Variants in SGTA observed in about 807,000 individuals in gnomAD.
SGTA encodes the protein small glutamine-rich tetratricopeptide repeat-containing protein alpha.
SGTA carries 22 observed loss-of-function variants against 44.3 expected under a neutral mutation model. That is an observed-to-expected ratio of 0.50 (90% CI 0.36 to 0.71). The LOEUF (loss-of-function observed/expected upper bound fraction) is 0.71. Among genes scored for constraint, SGTA ranks in the 30% least tolerant of loss-of-function variants. The probability of loss-of-function intolerance (pLI) is 0.00; values close to 1 mark genes in which losing one functional copy is unlikely to be tolerated. For missense variants in SGTA, 341 were observed against 435.9 expected, an observed-to-expected ratio of 0.78 and a Z score of 1.94; for synonymous variants, 174 against 177.6, an observed-to-expected ratio of 0.98 and a Z score of 0.16.
Position 2,772,812 on chromosome 19 carries a change from GACGC to G in SGTA, c.-23-3725_-23-3722del, listed in dbSNP as rs1450282337. Among the ~76,000 whole-genome samples the G allele has an allele frequency of 1.1e-4, 16 of 143,790 alleles. 1 individual carries two copies. Among genetic ancestry groups the G allele is most frequent in the African/African-American group, 4.0e-4 (14 of 35,380 alleles). 94.3% of individuals were successfully genotyped at this position (143,790 alleles called of 152,430 possible). On this transcript the variant is annotated intron_variant, in intron 1 of 11. Transcript: ENST00000221566. ...AGGGACACCGAGGGCAGAGATGGGTGACGCGGCCACAGGGCAGGGACACCGAGGG... is the reference window on the plus strand; with the variant it reads ...AGGGACACCGAGGGCAGAGATGGGTGGGCCACAGGGCAGGGACACCGAGGG...
Position 2,762,521 on chromosome 19 carries a change from C to T in SGTA, c.621G>A (p.Arg207=). ...SNLKIAELKL[R]EAPSPTGGVG... is the part of the protein sequence containing the mutation. Reference sequence around the variant, plus strand: ...CTGCACTCACGGGGCTGGGGGCCTCCCGCAGCTTCAGCTCCGCTATCTTGA... The same window carrying T: ...CTGCACTCACGGGGCTGGGGGCCTCTCGCAGCTTCAGCTCCGCTATCTTGA... Residue 207 remains arginine (R), a synonymous_variant, in exon 7 of 12, where the codon CGG becomes CGA. Transcript: ENST00000221566. The T allele has an allele frequency of 1.9e-6, 3 of 1,613,988 alleles. No homozygotes were observed. The highest frequency in any genetic ancestry group is 2.5e-6 in the Non-Finnish European group (3 of 1,179,980).
chr19:2,757,312 C>T (rs754835470), intron 11 of SGTA, 25 bp downstream of exon 11: 38 of 1,596,728 alleles, frequency 2.4e-5, no homozygotes, highest in East Asian at 4.5e-5. Context: ...TGGCCACCCC[C>T]CAGCCCCCGG....
At chr19:2,771,581 G>T (rs1223822483) in intron 1 of SGTA, among the ~76,000 whole-genome samples, 1 of 151,720 alleles carries the variant, frequency 6.6e-6, no homozygotes, top group South Asian at 2.1e-4. Flanking sequence ...CCATCGGGGG[G>T]GGGGGGAGGG....
chr19:2,757,468 G>A lies in SGTA; in HGVS notation c.828-11C>T, dbSNP rs774321428. On this transcript the variant is annotated splice_polypyrimidine_tract_variant and intron_variant, in intron 10 of 11. Transcript: ENST00000221566. ...GCAAACTGCTGGCCCCTGCGGGGAA[G>A]GGCACATGGGGCTCAGCCAGGGCCA... The A allele has an allele frequency of 1.2e-6, 2 of 1,605,492 alleles. No individual in the cohort carries two copies. Among genetic ancestry groups the A allele is most frequent in the Admixed American group, 3.3e-5 (2 of 59,928 alleles).
At chr19:2,779,057 C>T (rs532810114) in intron 1 of SGTA, among the ~76,000 whole-genome samples, 3 of 152,310 alleles carry the variant, frequency 2.0e-5, no homozygotes, top group South Asian at 2.1e-4. Flanking sequence ...CCCCACTGCA[C>T]ACCAGAAACA....
In SGTA at chr19:2,767,722, C is replaced by T. The variant is rs770360687; in HGVS notation, c.101-36G>A. The T allele has an allele frequency of 7.8e-6, 12 of 1,541,110 alleles. No homozygotes were observed. The highest frequency in any genetic ancestry group is 4.1e-5 in the African/African-American group (3 of 73,570). On this transcript the variant is annotated intron_variant, in intron 2 of 11. Coordinates refer to ENST00000221566, the MANE Select transcript of SGTA (RefSeq NM_003021.4). The surrounding 1 kb of genome is among the most constrained non-coding windows in gnomAD (Gnocchi z 7.3). ...GACAGAGGCGGTCCCATTCATTGCA[C>T]GCAGCCCCGAGGTTACGTTTTTGGG...
intron 11 of SGTA, among the ~76,000 whole-genome samples, chr19:2,756,708 G>A (rs1436546593): frequency 6.6e-6 from 1 of 151,804 alleles, no homozygotes; most frequent in East Asian, 1.9e-4. Context: ...CCCCTGGGAA[G>A]CCGGTGTCTG....
chr19:2,768,147 A>G (rs1011094048), intron 2 of SGTA, among the ~76,000 whole-genome samples: 1 of 152,170 alleles, frequency 6.6e-6, no homozygotes, highest in African/African-American at 2.4e-5. Context: ...AGGACCATTG[A>G]GAGCAGGACA....
At chr19:2,771,536 C>CTCT (rs1023807238) in intron 1 of SGTA, among the ~76,000 whole-genome samples, 20 of 150,992 alleles carry the variant, frequency 1.3e-4, no homozygotes, top group African/African-American at 4.9e-4. Flanking sequence ...CCTCAGTTTC[C>CTCT]TCTTCTGTCC....
At chr19:2,782,775 G>A (rs901619516) in intron 1 of SGTA, 1 of 152,204 alleles carries the variant, frequency 6.6e-6, no homozygotes, top group Non-Finnish European at 1.5e-5. Context: ...TTTTACAGAG[G>A]GGAAAACTGA....
rs1391190942 is a variant in SGTA at position 2,761,186 on chromosome 19, C to T, written c.699+274G>A. ...CAGCCAGGAGAGCCAGCTTTTGGTG[C>T]TCACTACTGATGGGTCTTGCTTGGG... On this transcript the variant is annotated intron_variant, in intron 8 of 11. Transcript: ENST00000221566. The surrounding 1 kb of genome is among the most constrained non-coding windows in gnomAD (Gnocchi z 5.7). 2.0e-5 allele frequency among the ~76,000 whole-genome samples: 3 copies of T among 152,164 alleles called. No homozygotes were observed. Among genetic ancestry groups the T allele is most frequent in the Non-Finnish European group, 4.4e-5 (3 of 68,036 alleles).
Position 2,758,580 on chromosome 19 carries a change from T to C in SGTA, c.737+677A>G, listed in dbSNP as rs1275678558. ...TGAAAACAGGTGAGCAGCTCCCCAG[T>C]GCGCACAGCGCTTACTGGGGAGTGA... is the stretch of plus-strand genomic sequence containing the variant. On this transcript the variant is annotated intron_variant, in intron 9 of 11. Transcript: ENST00000221566. Among the ~76,000 whole-genome samples, 6 of 151,798 alleles carry C rather than the reference T, an allele frequency of 4.0e-5. No individual in the cohort carries two copies. In the East Asian group the frequency reaches 9.7e-4, roughly 25 times the overall value.
rs1013306548 is a variant in SGTA at position 2,762,615 on chromosome 19, A to G, written c.527T>C (p.Val176Ala). ...GLALSSLNKH[V>A]EAVAYYKKAL... is the part of the protein sequence containing the mutation. ...CTTCTTGTAGTAAGCCACGGCCTCCACGTGCTTGTTGAGGCTGGAGAGCGC... is the reference window on the plus strand; with the variant it reads ...CTTCTTGTAGTAAGCCACGGCCTCCGCGTGCTTGTTGAGGCTGGAGAGCGC... The change falls in exon 7 of 12, where the codon GTG becomes GCG. Residue 176 changes from valine to alanine, a missense_variant. Transcript: ENST00000221566. 2 of 1,613,894 alleles carry G rather than the reference A, an allele frequency of 1.2e-6. No individual in the cohort carries two copies. The highest frequency in any genetic ancestry group is 2.7e-5 in the African/African-American group (2 of 74,922).
chr19:2,767,279 C>A lies in SGTA; in HGVS notation c.208-59G>T. On this transcript the variant is annotated intron_variant, in intron 3 of 11. Transcript: ENST00000221566. The surrounding 1 kb of genome is among the most constrained non-coding windows in gnomAD (Gnocchi z 7.3). ...CTCCTCCCAACCTGGCACCCTCCGG[C>A]CTTAGCTTCCCTCGGGACGCCAGAG... 2 of 1,368,628 alleles carry A rather than the reference C, an allele frequency of 1.5e-6. No individual in the cohort carries two copies. Among genetic ancestry groups the A allele is most frequent in the South Asian group, 1.2e-5 (1 of 80,688 alleles). 84.8% of individuals were successfully genotyped at this position (1,368,628 alleles called of 1,614,324 possible).
intron 1 of SGTA, among the ~76,000 whole-genome samples, chr19:2,775,987 C>T (rs1454301935): frequency 2.0e-5 from 3 of 152,220 alleles, no homozygotes; most frequent in Admixed American, 1.3e-4. Context: ...CAGCCCAGAA[C>T]TTTGAGGTCT....
chr19:2,759,565 T>C (rs1914928317), intron 8 of SGTA: 1 of 484,414 alleles, frequency 2.1e-6, no homozygotes, highest in Non-Finnish European at 3.7e-6. Flanking sequence ...CACTGGCTGC[T>C]GCGGTTTTGC....
Position 2,767,063 on chromosome 19 carries a change from C to A in SGTA, c.292+73G>T. ...TCCCTGGGCCCCAGGGACCAGCTGG[C>A]CTCTGCGAGGGTCCCACAGCCCCGG... On this transcript the variant is annotated intron_variant, in intron 4 of 11. Transcript: ENST00000221566. This position sits in a 1 kb window ranked among gnomAD's most constrained non-coding sequence, Gnocchi z 7.3. 3 of 1,120,528 alleles carry A rather than the reference C, an allele frequency of 2.7e-6. No homozygotes were observed. The highest frequency in any genetic ancestry group is 2.7e-6 in the Non-Finnish European group (2 of 752,312). 69.4% of individuals were successfully genotyped at this position (1,120,528 alleles called of 1,614,324 possible).
At chr19:2,757,857 C>T (rs1236757589) in intron 9 of SGTA, 75 bp from the exon 10 acceptor site, 7 of 987,346 alleles carry the variant, frequency 7.1e-6, no homozygotes, top group Admixed American at 3.0e-5. Flanking sequence ...CGCAGTGGCC[C>T]GGGAGAGAAT....
chr19:2,774,417 G>A (rs1915396078), intron 1 of SGTA, among the ~76,000 whole-genome samples: 1 of 152,198 alleles, frequency 6.6e-6, no homozygotes, highest in Non-Finnish European at 1.5e-5. Flanking sequence ...GCGGTCCCAG[G>A]AGCCAGCTGC....
Sources: gnomAD v4.1 joint callset for allele counts (sites outside exome capture counted in the v4.1 genomes callset) on GRCh38, gnomAD v4.1.1 for gene constraint, Gnocchi (gnomAD v3.1) non-coding constraint, MANE v1.5 for transcripts, NCBI Gene and HGNC (gene_info 2026-07-23, HGNC 2026-07-21) for gene names.